NT5E: variants seen among roughly 807,000 people sequenced by gnomAD.
NT5E encodes 5'-nucleotidase ecto, also known as 5'-nucleotidase.
In NT5E, 53 loss-of-function variants were observed where a neutral mutation model predicts 55.1. That is an observed-to-expected ratio of 0.96 (90% CI 0.77 to 1.21). NT5E has a LOEUF of 1.21. Ranked by LOEUF, NT5E falls within the 50% of genes most tolerant of loss-of-function variation. The pLI is 0.00. For synonymous variants in NT5E, 270 were observed against 278.4 expected (o/e 0.97, Z 0.30); for missense variants, 683 against 724.3 (o/e 0.94, Z 0.65).
At position 85,490,051 on chromosome 6, in the gene NT5E, A is replaced by C. The variant is rs958179599; in HGVS notation, c.1210+452A>C. Among the ~76,000 whole-genome samples, 3 of 152,202 alleles carry C rather than the reference A, an allele frequency of 2.0e-5. No homozygotes were observed. The East Asian group carries it at 5.8e-4, about 29-fold the overall frequency. ...CAAGATTATATCATATGGCAAAACA[A>C]ATCAACTACACAAATACTCAAGACA... On this transcript the variant is annotated intron_variant, in intron 6 of 8. Transcript: ENST00000257770.
intron 1 of NT5E, among the ~76,000 whole-genome samples, chr6:85,464,493 C>T (rs1769151764): frequency 6.6e-6 from 1 of 152,094 alleles, no homozygotes; most frequent in Non-Finnish European, 1.5e-5. Flanking sequence ...CTACCCCTGC[C>T]TTGTTTCCTC....
chr6:85,477,035 C>G (rs957930143), intron 3 of NT5E, among the ~76,000 whole-genome samples: 4 of 152,148 alleles, frequency 2.6e-5, no homozygotes, highest in African/African-American at 9.7e-5. Flanking sequence ...CCTTTTCTAC[C>G]TAGTATTTCC....
chr6:85,477,670 A>T (rs1241465000), intron 3 of NT5E, among the ~76,000 whole-genome samples: 1 of 152,200 alleles, frequency 6.6e-6, no homozygotes, highest in East Asian at 1.9e-4. Flanking sequence ...CTTGCAGTTG[A>T]GATAATCTTG....
intron 7 of NT5E, chr6:85,491,126 G>C (rs1250306668): frequency 9.5e-6 from 5 of 526,830 alleles, no homozygotes; most frequent in South Asian, 7.2e-5. Context: ...CCTGGTTCTA[G>C]TCCCACTGTG....
At chr6:85,464,832 A>T (rs1769159536) in intron 1 of NT5E, among the ~76,000 whole-genome samples, 1 of 152,110 alleles carries the variant, frequency 6.6e-6, no homozygotes, top group South Asian at 2.1e-4. Flanking sequence ...AGAGGACGTG[A>T]TGGTGAGGGA....
At chr6:85,462,390 T>A (rs1309262170) in intron 1 of NT5E, among the ~76,000 whole-genome samples, 2 of 152,176 alleles carry the variant, frequency 1.3e-5, no homozygotes, top group African/African-American at 2.4e-5. Context: ...AGCATCATTT[T>A]TTTTTCTGCC....
chr6:85,472,349 CA>C (rs750860898), intron 3 of NT5E, among the ~76,000 whole-genome samples: 4 of 152,118 alleles, frequency 2.6e-5, no homozygotes, highest in Admixed American at 6.5e-5. Context: ...AGGAAATACC[CA>C]AAAACATTAA....
intron 3 of NT5E, among the ~76,000 whole-genome samples, chr6:85,483,864 A>AG (rs1450796732): frequency 6.6e-6 from 1 of 152,130 alleles, no homozygotes; most frequent in Non-Finnish European, 1.5e-5. Context: ...TGCAGACTTT[A>AG]GGGGAAAAAA....
At chr6:85,482,290 T>C (rs2127723612) in intron 3 of NT5E, among the ~76,000 whole-genome samples, 1 of 151,008 alleles carries the variant, frequency 6.6e-6, no homozygotes, top group East Asian at 2.0e-4. Context: ...AGCCCAGGAA[T>C]TGGAGACCAC....
At chr6:85,471,091 G>T in intron 2 of NT5E, 146 bp from the exon 3 acceptor site, 1 of 495,754 alleles carries the variant, frequency 2.0e-6, no homozygotes. Context: ...TAGGGGTTTT[G>T]TATTTAATGA....
At chr6:85,454,013 A>G (rs1768942879) in intron 1 of NT5E, among the ~76,000 whole-genome samples, 1 of 151,986 alleles carries the variant, frequency 6.6e-6, no homozygotes, top group Non-Finnish European at 1.5e-5. Context: ...TATTGTTTTT[A>G]TGATTTGTCC....
rs1344115101 is a variant in NT5E, at chr6:85,487,392, C to A, written c.1007C>A (p.Thr336Asn). The change falls in exon 5 of 9, where the codon ACC (threonine) becomes AAC (asparagine). Residue 336 changes from threonine to asparagine, a missense_variant. Coordinates refer to ENST00000257770, the MANE Select transcript of NT5E (RefSeq NM_002526.4). ...AGGATAAAATTGGATAATTATTCTA[C>A]CCAGGAATTAGGGAAAACAATTGTC... ...KWRIKLDNYS[T>N]QELGKTIVYL... 6.2e-7 allele frequency: 1 copy of A among 1,613,436 alleles called. No individual in the cohort carries two copies. The highest frequency in any genetic ancestry group is 8.5e-7 in the Non-Finnish European group (1 of 1,179,512).
intron 7 of NT5E, among the ~76,000 whole-genome samples, chr6:85,491,567 TG>T (rs773567363): frequency 2.0e-5 from 3 of 152,252 alleles, no homozygotes; most frequent in Non-Finnish European, 4.4e-5. Context: ...CTATGCCTTG[TG>T]GAAGTCACCA....
chr6:85,471,127 T>G (rs912121782), intron 2 of NT5E, 110 bp from the exon 3 acceptor site: 1 of 699,908 alleles, frequency 1.4e-6, no homozygotes, highest in African/African-American at 1.8e-5. Flanking sequence ...TTTTACTGAC[T>G]CTTGAGCTTT....
chr6:85,462,080 C>G (rs1442373003), intron 1 of NT5E, among the ~76,000 whole-genome samples: 1 of 152,090 alleles, frequency 6.6e-6, no homozygotes, highest in Non-Finnish European at 1.5e-5. Flanking sequence ...GCTGAATATT[C>G]CTGTGGCTTC....
chr6:85,493,311 G>A (rs1436105327), intron 8 of NT5E, among the ~76,000 whole-genome samples: 1 of 152,114 alleles, frequency 6.6e-6, no homozygotes, highest in East Asian at 1.9e-4. Flanking sequence ...CTTAAGTACT[G>A]GAGTGATATT....
At chr6:85,492,801 C>T (rs553748821) in intron 8 of NT5E, among the ~76,000 whole-genome samples, 14 of 152,334 alleles carry the variant, frequency 9.2e-5, no homozygotes, top group African/African-American at 2.9e-4. Flanking sequence ...CAGAGACCAG[C>T]ATGCTTACAA....
rs1029489601 is a variant in NT5E, at chr6:85,450,745, G to A, written c.339+267G>A. Reference sequence around the variant, plus strand: ...TCCTGCCTGCGAGGGGCTTAAGGTGGGGTGCGTAGAAGCACTGACAGTTAT... The same window carrying A: ...TCCTGCCTGCGAGGGGCTTAAGGTGAGGTGCGTAGAAGCACTGACAGTTAT... On this transcript the variant is annotated intron_variant, in intron 1 of 8. Coordinates refer to ENST00000257770, the MANE Select transcript of NT5E (RefSeq NM_002526.4). The surrounding 1 kb of genome is among the most constrained non-coding windows in gnomAD (Gnocchi z 4.0). Among the ~76,000 whole-genome samples the A allele has an allele frequency of 3.3e-5, 5 of 152,216 alleles. No homozygotes were observed. The highest frequency in any genetic ancestry group is 2.0e-4 in the Admixed American group (3 of 15,286).
At chr6:85,462,968 A>G (rs1769123679) in intron 1 of NT5E, among the ~76,000 whole-genome samples, 1 of 152,170 alleles carries the variant, frequency 6.6e-6, no homozygotes, top group East Asian at 1.9e-4. Context: ...TTATATTTCT[A>G]CTAATACCTT....
Sources: allele counts gnomAD v4.1 joint callset (sites outside exome capture counted in the v4.1 genomes callset), GRCh38; gene constraint gnomAD v4.1.1; non-coding constraint Gnocchi (gnomAD v3.1); transcripts MANE v1.5; gene names NCBI Gene and HGNC (gene_info 2026-07-23, HGNC 2026-07-21).